Variants in PDE4D observed in about 807,000 individuals in gnomAD.
PDE4D encodes 3',5'-cyclic-AMP phosphodiesterase 4D.
Under a neutral mutation model 87.4 loss-of-function variants are expected in PDE4D, and 24 were observed. The ratio of observed to expected loss-of-function variants is 0.27; its 90% CI spans 0.20 to 0.39. PDE4D has a LOEUF of 0.39. Ranked by LOEUF, PDE4D falls within the 10% of genes least tolerant of loss-of-function variation. PDE4D has a pLI of 1.00. For missense variants in PDE4D, 714 were observed against 1,041.0 expected, an observed-to-expected ratio of 0.69 and a Z score of 4.32; for synonymous variants, 384 against 383.2, an observed-to-expected ratio of 1.00 and a Z score of -0.02.
At chr5:59,748,151 T>G (rs1399746826) in intron 1 of PDE4D, among the ~76,000 whole-genome samples, 1 of 152,100 alleles carries the variant, frequency 6.6e-6, no homozygotes, top group Non-Finnish European at 1.5e-5. Context: ...TGTACCAGGG[T>G]TGGCACATGT....
chr5:59,133,185 T>G lies in PDE4D; in HGVS notation c.808+47410A>C, dbSNP rs1430893415. Reference sequence around the variant, plus strand: ...AATGAAAAAGGTAGAGATTTTTTCATAAACATGAAACAGAAAAAACTTTCC... The same window carrying G: ...AATGAAAAAGGTAGAGATTTTTTCAGAAACATGAAACAGAAAAAACTTTCC... On this transcript the variant is annotated intron_variant, in intron 5 of 14. Coordinates refer to ENST00000340635, the MANE Select transcript of PDE4D (RefSeq NM_001104631.2). Among the ~76,000 whole-genome samples, 2 of 152,164 alleles carry G rather than the reference T, an allele frequency of 1.3e-5. 1 individual carries two copies. Among genetic ancestry groups the G allele is most frequent in the African/African-American group, 4.8e-5 (2 of 41,444 alleles).
intron 3 of PDE4D, among the ~76,000 whole-genome samples, chr5:59,930,330 C>A (rs1403697345): frequency 6.6e-6 from 1 of 151,956 alleles, no homozygotes; most frequent in African/African-American, 2.4e-5. Context: ...ATGATAAGTG[C>A]CCTTAGAAGA....
intron 1 of PDE4D, among the ~76,000 whole-genome samples, chr5:59,406,140 G>A (rs1791567975): frequency 6.6e-6 from 1 of 152,124 alleles, no homozygotes; most frequent in Admixed American, 6.5e-5. Context: ...AAATTAAGCA[G>A]TAAAGCCATC....
At position 59,180,638 on chromosome 5, in the gene PDE4D, T is replaced by G; in HGVS notation, c.765A>C (p.Ser255=). Residue 255 remains serine (S), a synonymous_variant, in exon 5 of 15, where the codon TCA becomes TCC. Transcript: ENST00000340635. Reference sequence around the variant, plus strand: ...TGATGGATGGTTGGTTGCACATGGGTGATCTTCTGACAAAGACAGAAAAAC... The same window carrying G: ...TGATGGATGGTTGGTTGCACATGGGGGATCTTCTGACAAAGACAGAAAAAC... ...NLQDRAPSKR[S]PMCNQPSINK... is the part of the protein sequence containing the mutation. 1.2e-6 allele frequency: 2 copies of G among 1,613,156 alleles called. No individual in the cohort carries two copies. Among genetic ancestry groups the G allele is most frequent in the Non-Finnish European group, 1.7e-6 (2 of 1,179,474 alleles).
At chr5:59,021,399 A>G (rs1202897776) in intron 6 of PDE4D, among the ~76,000 whole-genome samples, 1 of 152,198 alleles carries the variant, frequency 6.6e-6, no homozygotes, top group African/African-American at 2.4e-5. Flanking sequence ...TTGGGATTTC[A>G]AAGGCACACT....
intron 2 of PDE4D, among the ~76,000 whole-genome samples, chr5:60,048,789 GC>G (rs1366800859): frequency 6.6e-6 from 1 of 152,024 alleles, no homozygotes; most frequent in Non-Finnish European, 1.5e-5. Flanking sequence ...CTCTCTGGCT[GC>G]CCTTAACATT....
At chr5:60,216,392 T>C (rs979511999) in intron 1 of PDE4D, among the ~76,000 whole-genome samples, 1 of 152,140 alleles carries the variant, frequency 6.6e-6, no homozygotes, top group African/African-American at 2.4e-5. Flanking sequence ...CTTCTCTTGG[T>C]AGTGGCATAC....
chr5:59,280,639 T>C (rs896349493), intron 1 of PDE4D, among the ~76,000 whole-genome samples: 1 of 152,086 alleles, frequency 6.6e-6, no homozygotes, highest in Admixed American at 6.6e-5. Flanking sequence ...AAGAAATACA[T>C]GTAAATAATG....
chr5:60,108,624 A>G (rs981759579), intron 2 of PDE4D, among the ~76,000 whole-genome samples: 1 of 152,194 alleles, frequency 6.6e-6, no homozygotes, highest in Non-Finnish European at 1.5e-5. Context: ...ACAAGGCTAC[A>G]GTAACCAAAA....
intron 1 of PDE4D, among the ~76,000 whole-genome samples, chr5:60,337,988 G>A (rs1268415816): frequency 6.6e-6 from 1 of 152,148 alleles, no homozygotes; most frequent in Non-Finnish European, 1.5e-5. Flanking sequence ...ATGTTGTACT[G>A]TACAGAGGAA....
intron 1 of PDE4D, among the ~76,000 whole-genome samples, chr5:59,671,500 A>C (rs1447978654): frequency 2.0e-5 from 3 of 152,172 alleles, no homozygotes; most frequent in Non-Finnish European, 4.4e-5. Context: ...GTATTTCTTC[A>C]TATTAGAAAT....
intron 3 of PDE4D, among the ~76,000 whole-genome samples, chr5:59,929,248 A>G (rs1028243769): frequency 2.6e-5 from 4 of 152,216 alleles, no homozygotes; most frequent in Non-Finnish European, 5.9e-5. Context: ...AATATTGTAG[A>G]CATTTACACA....
At chr5:59,667,827 C>T (rs895342497) in intron 1 of PDE4D, among the ~76,000 whole-genome samples, 7 of 152,322 alleles carry the variant, frequency 4.6e-5, no homozygotes, top group East Asian at 1.9e-4. Flanking sequence ...TATGTTCCCA[C>T]GAAACCATTC....
chr5:60,021,251 T>A (rs1766033675), intron 2 of PDE4D: 1 of 152,170 alleles, frequency 6.6e-6, no homozygotes. Flanking sequence ...GAAGGGCTGC[T>A]GCAAGTGGCA....
intron 2 of PDE4D, among the ~76,000 whole-genome samples, chr5:60,138,935 T>A (rs1780287227): frequency 6.6e-6 from 1 of 151,966 alleles, no homozygotes; most frequent in Non-Finnish European, 1.5e-5. Flanking sequence ...GGCTGTTTGG[T>A]TTTTTGGGGT....
intron 2 of PDE4D, among the ~76,000 whole-genome samples, chr5:60,128,752 G>T (rs1382990721): frequency 6.6e-6 from 1 of 152,154 alleles, no homozygotes; most frequent in Non-Finnish European, 1.5e-5. Context: ...ACTCAGAGGG[G>T]CAGCATTTAT....
At chr5:60,025,669 A>G (rs1464853261) in intron 2 of PDE4D, among the ~76,000 whole-genome samples, 2 of 152,318 alleles carry the variant, frequency 1.3e-5, no homozygotes, top group South Asian at 4.1e-4. Context: ...CCTGAAAAAT[A>G]TAAATAGTAC....
chr5:59,877,392 A>ATT (rs1748749669), intron 1 of PDE4D, among the ~76,000 whole-genome samples: 1 of 151,948 alleles, frequency 6.6e-6, no homozygotes, highest in Admixed American at 6.6e-5. Context: ...AACAATAAAC[A>ATT]TACATGTTCA....
intron 1 of PDE4D, among the ~76,000 whole-genome samples, chr5:59,752,262 GTA>G: frequency 6.6e-6 from 1 of 152,250 alleles, no homozygotes; most frequent in Admixed American, 6.5e-5. Context: ...TCTATCAATT[GTA>G]TGTTTACCTT....
Sources: gnomAD v4.1 joint callset for allele counts (sites outside exome capture counted in the v4.1 genomes callset) on GRCh38, gnomAD v4.1.1 for gene constraint, MANE v1.5 for transcripts, NCBI Gene and HGNC (gene_info 2026-07-23, HGNC 2026-07-21) for gene names.